The following WWC2 variants were observed in gnomAD, a reference collection of about 807,000 sequenced individuals.
WWC2 encodes protein WWC2.
In WWC2, 101 loss-of-function variants were observed where a neutral mutation model predicts 138.5. The ratio of observed to expected loss-of-function variants is 0.73; its 90% CI spans 0.62 to 0.86. The LOEUF (loss-of-function observed/expected upper bound fraction) is 0.86, where lower values mean the gene tolerates loss of function less well. Ranked by LOEUF, WWC2 falls within the 40% of genes least tolerant of loss-of-function variation. The pLI is 0.00. For synonymous variants in WWC2, 558 were observed against 538.4 expected (o/e 1.04, Z -0.50); for missense variants, 1,420 against 1,419.4 (o/e 1.00, Z -0.01).
chr4:183,221,385 G>A (rs1190331086), intron 4 of WWC2, among the ~76,000 whole-genome samples: 2 of 152,200 alleles, frequency 1.3e-5, no homozygotes, highest in African/African-American at 2.4e-5. Context: ...CAGCAATGCT[G>A]TCGAAGATGT....
At chr4:183,214,833 T>G (rs1046587763) in intron 4 of WWC2, among the ~76,000 whole-genome samples, 13 of 152,144 alleles carry the variant, frequency 8.5e-5, no homozygotes, top group African/African-American at 2.7e-4. Context: ...CCGCAAATAT[T>G]CTCTCTTGAC....
chr4:183,181,762 A>G (rs1734640250), intron 1 of WWC2, among the ~76,000 whole-genome samples: 1 of 152,186 alleles, frequency 6.6e-6, no homozygotes, highest in Non-Finnish European at 1.5e-5. Flanking sequence ...TAGCACCTCT[A>G]ACCCCTGCAT....
intron 5 of WWC2, among the ~76,000 whole-genome samples, 169 bp from the exon 6 acceptor site, chr4:183,245,247 A>AAAGAGAGAG: frequency 6.8e-6 from 1 of 147,122 alleles, no homozygotes; most frequent in South Asian, 2.1e-4. Context: ...AAAAAAAAAA[A>AAAGAGAGAG]AAGAGAGAGA....
intron 1 of WWC2, among the ~76,000 whole-genome samples, chr4:183,142,360 C>T (rs1373040628): frequency 6.6e-6 from 1 of 152,168 alleles, no homozygotes; most frequent in Admixed American, 6.5e-5. Context: ...TAAGTTGTTA[C>T]AGGGATTAGG....
At chr4:183,155,221 A>AGAGAGTGAGTGT (rs61543148) in intron 1 of WWC2, among the ~76,000 whole-genome samples, 1 of 135,184 alleles carries the variant, frequency 7.4e-6, no homozygotes, top group Admixed American at 7.5e-5. Context: ...AGAGAGAGAG[A>AGAGAGTGAGTGT]GAGTTAGTTG....
At chr4:183,313,569 G>T (rs986335462) in intron 22 of WWC2, among the ~76,000 whole-genome samples, 1 of 151,984 alleles carries the variant, frequency 6.6e-6, no homozygotes, top group African/African-American at 2.4e-5. Context: ...TAGACAAGTG[G>T]AAATAAAAAT....
At chr4:183,109,007 G>T (rs372163194) in intron 1 of WWC2, among the ~76,000 whole-genome samples, 102 of 152,034 alleles carry the variant, frequency 6.7e-4, no homozygotes, top group African/African-American at 1.9e-3. Flanking sequence ...TAATTTTGTG[G>T]TTTTTTTTCT....
At position 183,261,245 on chromosome 4, in the gene WWC2, A is replaced by C; in HGVS notation, c.1622A>C (p.Lys541Thr). The C allele has an allele frequency of 6.2e-7, 1 of 1,612,952 alleles. No individual in the cohort carries two copies. The highest frequency in any genetic ancestry group is 1.1e-5 in the South Asian group (1 of 90,826). Residue 541 changes from lysine to threonine, a missense_variant, in exon 11 of 23, where the codon AAG becomes ACG. Lys to Thr is a moderately conservative substitution (Grantham distance 78, BLOSUM62 -1). Transcript: ENST00000403733. Reference protein sequence around the residue: ...GHTPPLAEAPKSVASLSSRSS... With the variant: ...GHTPPLAEAPTSVASLSSRSS... ...ACTCCTCCACTGGCTGAGGCCCCGA[A>C]GTCTGTGGCCTCCCTGTCCTCGAGG...
At position 183,245,473 on chromosome 4, in the gene WWC2, C is replaced by T; in HGVS notation, c.660C>T (p.Ala220=). The T allele has an allele frequency of 6.2e-7, 1 of 1,607,674 alleles. No homozygotes were observed. The highest frequency in any genetic ancestry group is 1.7e-4 in the Middle Eastern group (1 of 6,018). Residue 220 remains alanine (A), a synonymous_variant, in exon 6 of 23, where the codon GCC becomes GCT. Coordinates refer to ENST00000403733, the MANE Select transcript of WWC2 (RefSeq NM_024949.6). ...GGTATGAACTCAGTGAAGCCAAAGC[C>T]ATTCTAACAGAACTAAAATCTATCA... The part of the protein sequence containing the change: ...QSGYELSEAK[A]ILTELKSIRK...
rs1235534246 is a variant in WWC2, at chr4:183,320,590, A to G, written c.*4861A>G. On this transcript the variant is annotated 3_prime_UTR_variant, in exon 23 of 23. Transcript: ENST00000403733. ...TAACAAAGAATTAAGTCTAAATGCA[A>G]AATGTTTAACTGATGGTTTTGGTTC... 1 of 238,634 alleles carries G rather than the reference A, an allele frequency of 4.2e-6. No homozygotes were observed. Among genetic ancestry groups the G allele is most frequent in the East Asian group, 1.0e-4 (1 of 9,856 alleles). 14.8% of individuals were successfully genotyped at this position (238,634 alleles called of 1,614,324 possible).
chr4:183,176,948 G>A (rs775950169), intron 1 of WWC2, among the ~76,000 whole-genome samples: 3 of 152,092 alleles, frequency 2.0e-5, no homozygotes, highest in Non-Finnish European at 4.4e-5. Flanking sequence ...CTTAGTGTAC[G>A]GTTGAAGGAG....
Position 183,123,673 on chromosome 4 carries a change from T to C in WWC2, c.131+24051T>C, listed in dbSNP as rs530252613. 2.0e-5 allele frequency among the ~76,000 whole-genome samples: 3 copies of C among 152,118 alleles called. No homozygotes were observed. The East Asian group carries it at 5.8e-4, about 29-fold the overall frequency. On this transcript the variant is annotated intron_variant, in intron 1 of 22. Transcript: ENST00000403733. ...TTCTTAAATCTTGGTGTTATAGACA[T>C]ACATGTTTATTGGCCTTCATATTTT...
intron 6 of WWC2, 35 bp from the exon 7 acceptor site, chr4:183,248,679 T>TA (rs773710257): frequency 6.5e-6 from 10 of 1,539,984 alleles, no homozygotes; most frequent in Non-Finnish European, 8.8e-6. Flanking sequence ...TCTTACTTGT[T>TA]AAGCTTTATG....
At chr4:183,307,332 AC>A (rs1179848286) in intron 21 of WWC2, among the ~76,000 whole-genome samples, 52 of 152,348 alleles carry the variant, frequency 3.4e-4, no homozygotes, top group Non-Finnish European at 1.5e-5. Flanking sequence ...GAGGACAGCC[AC>A]TGAGTCTGTC....
chr4:183,192,166 A>G (rs1315745268), intron 1 of WWC2, among the ~76,000 whole-genome samples: 1 of 152,232 alleles, frequency 6.6e-6, no homozygotes, highest in Non-Finnish European at 1.5e-5. Flanking sequence ...TGCTTGTGTT[A>G]ATAATCACTG....
At chr4:183,108,736 C>G (rs1224917955) in intron 1 of WWC2, among the ~76,000 whole-genome samples, 1 of 151,960 alleles carries the variant, frequency 6.6e-6, no homozygotes, top group Non-Finnish European at 1.5e-5. Flanking sequence ...TCAGCCTCCC[C>G]AGTAGCTGGG....
rs772875161 is a variant in WWC2, at chr4:183,289,533, G to A, written c.3282G>A (p.Arg1094=). 1 of 1,613,988 alleles carries A rather than the reference G, an allele frequency of 6.2e-7. No homozygotes were observed. Among genetic ancestry groups the A allele is most frequent in the South Asian group, 1.1e-5 (1 of 91,072 alleles). Residue 1094 remains arginine (R), a synonymous_variant, in exon 21 of 23, where the codon CGG becomes CGA. Coordinates refer to ENST00000403733, the MANE Select transcript of WWC2 (RefSeq NM_024949.6). ...AGCTGCAGGCGCTGAGGGACTTGCG[G>A]CAGAAGCTGGAGGAACTGAAAGCTC... ...NDELQALRDL[R]QKLEELKAQG...
intron 1 of WWC2, among the ~76,000 whole-genome samples, chr4:183,110,501 AATC>A (rs1732198971): frequency 6.6e-6 from 1 of 151,442 alleles, no homozygotes; most frequent in African/African-American, 2.4e-5. Flanking sequence ...TCAGTAAACA[AATC>A]ATGGTTCCAA....
intron 1 of WWC2, among the ~76,000 whole-genome samples, chr4:183,168,181 T>TC (rs9312312): frequency 1.7e-4 from 24 of 141,138 alleles, no homozygotes; most frequent in Admixed American, 7.1e-4. Context: ...TTTCTTTCTT[T>TC]TTTTTTTTTT....
Sources: allele counts gnomAD v4.1 joint callset (sites outside exome capture counted in the v4.1 genomes callset), GRCh38; gene constraint gnomAD v4.1.1; transcripts MANE v1.5; gene names NCBI Gene and HGNC (gene_info 2026-07-23, HGNC 2026-07-21).